NOTUM: variants seen among roughly 807,000 people sequenced by gnomAD.
The protein encoded by NOTUM is palmitoleoyl-protein carboxylesterase NOTUM.
Under a neutral mutation model 65.5 loss-of-function variants are expected in NOTUM, and 36 were observed. The observed-to-expected ratio is 0.55, with a 90% CI of 0.42 to 0.73. The LOEUF (loss-of-function observed/expected upper bound fraction) is 0.73, where lower values mean the gene tolerates loss of function less well. Among genes scored for constraint, NOTUM ranks in the 30% least tolerant of loss-of-function variants. NOTUM has a pLI of 0.00. For synonymous variants in NOTUM, 356 were observed against 297.9 expected (o/e 1.20, Z -2.01); for missense variants, 659 against 694.2 (o/e 0.95, Z 0.57).
intron 9 of NOTUM, 65 bp from the exon 10 acceptor site, chr17:81,954,368 C>A: frequency 2.5e-6 from 3 of 1,187,002 alleles, no homozygotes; most frequent in East Asian, 2.4e-5. Flanking sequence ...CACCCCCACT[C>A]CCCTAGAGCT....
At position 81,955,378 on chromosome 17, in the gene NOTUM, C is replaced by G. The variant is rs1199467096; in HGVS notation, c.1136+19G>C. ...GAGGGAGCTACCCGGCGTGGGGCTC[C>G]CGGGGCCCACACACTCACGGCACGT... On this transcript the variant is annotated intron_variant, in intron 9 of 10. Coordinates refer to ENST00000409678, the MANE Select transcript of NOTUM (RefSeq NM_178493.6). 2 of 1,546,516 alleles carry G rather than the reference C, an allele frequency of 1.3e-6. No individual in the cohort carries two copies. Among genetic ancestry groups the G allele is most frequent in the Non-Finnish European group, 1.8e-6 (2 of 1,140,266 alleles).
Position 81,960,141 on chromosome 17 carries a change from GT to G in NOTUM, c.323+445del, listed in dbSNP as rs1290907637. Among the ~76,000 whole-genome samples the G allele has an allele frequency of 6.6e-6, 1 of 152,078 alleles. No individual in the cohort carries two copies. The highest frequency in any genetic ancestry group is 1.5e-5 in the Non-Finnish European group (1 of 67,980). ...CGACCCCACGCCCAAGTCTCCCGCT[GT>G]CCCCGGCTGTCCTCGGCCTGTTGAG... is the stretch of plus-strand genomic sequence containing the variant. On this transcript the variant is annotated intron_variant, in intron 1 of 10. Transcript: ENST00000409678. The surrounding 1 kb of genome is among the most constrained non-coding windows in gnomAD (Gnocchi z 6.4).
At chr17:81,958,524 T>A in intron 4 of NOTUM, 131 bp from the exon 5 acceptor site, 1 of 664,124 alleles carries the variant, frequency 1.5e-6, no homozygotes, top group Non-Finnish European at 2.7e-6. Flanking sequence ...CATCCCAGGA[T>A]AGAACTTCCC....
chr17:81,959,964 GGGCGGCGGTCCTCCCGGGGCGCGC>G (rs1156239960), intron 1 of NOTUM, among the ~76,000 whole-genome samples: 3 of 151,796 alleles, frequency 2.0e-5, no homozygotes, highest in Non-Finnish European at 4.4e-5. Context: ...ACCTCGGCGC[GGGCGGCGGTCCTCCCGGGGCGCGC>G]GGCGGCGCTT....
Position 81,953,523 on chromosome 17 carries a change from A to T in NOTUM, c.1185-256T>A, listed in dbSNP as rs537242097. Among the ~76,000 whole-genome samples, 271 of 151,700 alleles carry T rather than the reference A, an allele frequency of 1.8e-3. 2 individuals are homozygous for T. Among genetic ancestry groups the T allele is most frequent in the Non-Finnish European group, 3.3e-3 (221 of 67,950 alleles). ...TGTTGGCCAAGCTGGTCTCGAACTG[A>T]CGTCAGGTGATCTGCCCCCATTGGC... On this transcript the variant is annotated intron_variant, in intron 10 of 10. Transcript: ENST00000409678.
intron 4 of NOTUM, among the ~76,000 whole-genome samples, chr17:81,958,644 C>A (rs891348053): frequency 6.6e-6 from 1 of 151,686 alleles, no homozygotes; most frequent in Non-Finnish European, 1.5e-5. Context: ...GAAGGACCAT[C>A]CCAGGACAGG....
intron 8 of NOTUM, among the ~76,000 whole-genome samples, chr17:81,956,030 G>A (rs925770629): frequency 2.0e-5 from 3 of 152,108 alleles, no homozygotes; most frequent in African/African-American, 7.2e-5. Context: ...TCAGTCATAG[G>A]CCCCCACAGA....
intron 1 of NOTUM, 46 bp from the exon 2 acceptor site, chr17:81,959,738 C>A (rs2041459978): frequency 2.7e-5 from 31 of 1,161,112 alleles, no homozygotes; most frequent in Non-Finnish European, 3.2e-5. Flanking sequence ...GGCTGCCGAC[C>A]CGCCGCGCCC....
At chr17:81,953,717 C>T (rs1480936044) in intron 10 of NOTUM, among the ~76,000 whole-genome samples, 1 of 152,126 alleles carries the variant, frequency 6.6e-6, no homozygotes, top group East Asian at 1.9e-4. Flanking sequence ...GATCCTCCCA[C>T]CTCAGCCTCC....
Position 81,956,888 on chromosome 17 carries a change from G to T in NOTUM, c.882C>A (p.Gly294=). Reference sequence around the variant, plus strand: ...GGCCCTCCCCGCTGCGGCACCTGATGCCACGGCGGATGGCCTCCGTGGGCG... The same window carrying T: ...GGCCCTCCCCGCTGCGGCACCTGATTCCACGGCGGATGGCCTCCGTGGGCG... ...TCAPTEAIRR[G]IRYWNGVVPE... Residue 294 remains glycine (G), a synonymous_variant, in exon 7 of 11, where the codon GGC becomes GGA. Coordinates refer to ENST00000409678, the MANE Select transcript of NOTUM (RefSeq NM_178493.6). 1 of 1,609,210 alleles carries T rather than the reference G, an allele frequency of 6.2e-7. No homozygotes were observed. The highest frequency in any genetic ancestry group is 8.5e-7 in the Non-Finnish European group (1 of 1,178,352).
chr17:81,956,402 G>A (rs2041433229), intron 8 of NOTUM, among the ~76,000 whole-genome samples: 1 of 152,078 alleles, frequency 6.6e-6, no homozygotes, highest in Non-Finnish European at 1.5e-5. Context: ...CTGAGGGCAG[G>A]CAAGTCCCAG....
rs1159849371 is a variant in NOTUM at position 81,960,258 on chromosome 17, C to T, written c.323+329G>A. 2.0e-5 allele frequency among the ~76,000 whole-genome samples: 3 copies of T among 152,226 alleles called. No homozygotes were observed. The South Asian group carries it at 6.2e-4, about 31-fold the overall frequency. On this transcript the variant is annotated intron_variant, in intron 1 of 10. Coordinates refer to ENST00000409678, the MANE Select transcript of NOTUM (RefSeq NM_178493.6). The surrounding 1 kb of genome is among the most constrained non-coding windows in gnomAD (Gnocchi z 6.4). ...AGGAGGTGGGCAGCGGGCCTCTCCC[C>T]GCCCCCCGGTGTCGCCGGTTCCCGC...
chr17:81,953,053 G>A lies in NOTUM; in HGVS notation c.1399C>T (p.Leu467Phe). 3.1e-6 allele frequency: 5 copies of A among 1,614,048 alleles called. No individual in the cohort carries two copies. The highest frequency in any genetic ancestry group is 4.2e-6 in the Non-Finnish European group (5 of 1,179,954). Reference protein sequence around the residue: ...TGQEMNVAQFLMHMGFDMQTV... With the variant: ...TGQEMNVAQFFMHMGFDMQTV... ...TGCATGTCGAAGCCCATGTGCATGA[G>A]GAACTGGGCCACGTTCATCTCTTGC... Residue 467 changes from leucine to phenylalanine, a missense_variant, in exon 11 of 11, where the codon CTC becomes TTC. By Grantham distance (22) the Leu-to-Phe change is conservative (BLOSUM62 0). Transcript: ENST00000409678.
chr17:81,958,501 C>A, intron 4 of NOTUM, 108 bp from the exon 5 acceptor site: 1 of 760,520 alleles, frequency 1.3e-6, no homozygotes, highest in Admixed American at 2.0e-5. Flanking sequence ...GGACAGGATT[C>A]CCCTGGAAGG....
At chr17:81,958,314 C>T in intron 5 of NOTUM, 21 bp downstream of exon 5, 1 of 1,573,930 alleles carries the variant, frequency 6.4e-7, no homozygotes, top group Non-Finnish European at 8.7e-7. Flanking sequence ...CCTGCCATGC[C>T]CTGGGAAGGC....
Position 81,953,074 on chromosome 17 carries a change from C to T in NOTUM, c.1378G>A (p.Glu460Lys). Residue 460 changes from glutamate to lysine, a missense_variant, in exon 11 of 11, where the codon GAG becomes AAG. Glu to Lys is a moderately conservative substitution (Grantham distance 56). Coordinates refer to ENST00000409678, the MANE Select transcript of NOTUM (RefSeq NM_178493.6). ...ATGAGGAACTGGGCCACGTTCATCT[C>T]TTGCCCCGTGAACTGGTCTCGGACG... ...PTVRDQFTGQ[E>K]MNVAQFLMHM... 1 of 1,614,030 alleles carries T rather than the reference C, an allele frequency of 6.2e-7. No homozygotes were observed. The highest frequency in any genetic ancestry group is 8.5e-7 in the Non-Finnish European group (1 of 1,179,946).
chr17:81,960,582 C>A lies in NOTUM; in HGVS notation c.323+5G>T. ...GGGCGGGGAGGTGCAGGGCGCGGGC[C>A]TTACCCGGCGGGGCTGCCGTCGTTG... On this transcript the variant is annotated splice_donor_5th_base_variant and intron_variant, in intron 1 of 10. Coordinates refer to ENST00000409678, the MANE Select transcript of NOTUM (RefSeq NM_178493.6). The surrounding 1 kb of genome is among the most constrained non-coding windows in gnomAD (Gnocchi z 6.4). The A allele has an allele frequency of 6.7e-7, 1 of 1,492,194 alleles. No homozygotes were observed. 92.4% of individuals were successfully genotyped at this position (1,492,194 alleles called of 1,614,324 possible). A position where few individuals can be genotyped will look rare whatever the true frequency, so the allele number is the denominator to read the frequency against.
chr17:81,955,581 C>T (rs371802600), intron 8 of NOTUM, 37 bp from the exon 9 acceptor site: 13 of 1,591,036 alleles, frequency 8.2e-6, no homozygotes, highest in Non-Finnish European at 1.0e-5. Context: ...CTCCCCTGAC[C>T]CCCGCTGCTG....
rs1429260244 is a variant in NOTUM, at chr17:81,955,380, G to A, written c.1136+17C>T. 7 of 1,547,150 alleles carry A rather than the reference G, an allele frequency of 4.5e-6. No homozygotes were observed. The highest frequency in any genetic ancestry group is 1.4e-5 in the African/African-American group (1 of 73,244). On this transcript the variant is annotated intron_variant, in intron 9 of 10. Transcript: ENST00000409678. ...GGGAGCTACCCGGCGTGGGGCTCCC[G>A]GGGCCCACACACTCACGGCACGTCC...
Sources: gnomAD v4.1 joint callset for allele counts (sites outside exome capture counted in the v4.1 genomes callset) on GRCh38, gnomAD v4.1.1 for gene constraint, Gnocchi (gnomAD v3.1) non-coding constraint, MANE v1.5 for transcripts, NCBI Gene and HGNC (gene_info 2026-07-23, HGNC 2026-07-21) for gene names.